Variants in SLC2A13 observed in about 807,000 individuals in gnomAD.
The protein encoded by SLC2A13 is proton myo-inositol cotransporter.
In SLC2A13, 32 loss-of-function variants were observed where a neutral mutation model predicts 64.4. The ratio of observed to expected loss-of-function variants is 0.50; its 90% CI spans 0.37 to 0.67. SLC2A13 has a LOEUF of 0.67. SLC2A13 is among the 30% of genes least tolerant of loss of function. The probability of loss-of-function intolerance (pLI) is 0.00; values close to 1 mark genes in which losing one functional copy is unlikely to be tolerated. For missense variants in SLC2A13, 743 were observed against 829.2 expected, an observed-to-expected ratio of 0.90 and a Z score of 1.28; for synonymous variants, 338 against 327.1, an observed-to-expected ratio of 1.03 and a Z score of -0.36.
At chr12:40,065,844 C>A (rs1937698546) in intron 1 of SLC2A13, among the ~76,000 whole-genome samples, 1 of 152,136 alleles carries the variant, frequency 6.6e-6, no homozygotes, top group Non-Finnish European at 1.5e-5. Flanking sequence ...ATTTCAAAGT[C>A]TCACAAAAGC....
At chr12:39,828,770 G>A (rs1371224336) in intron 7 of SLC2A13, among the ~76,000 whole-genome samples, 1 of 151,584 alleles carries the variant, frequency 6.6e-6, no homozygotes, top group Non-Finnish European at 1.5e-5. Context: ...CTGTGAACAA[G>A]TACATCTAGA....
At chr12:39,928,076 T>C (rs538370217) in intron 4 of SLC2A13, among the ~76,000 whole-genome samples, 30 of 152,334 alleles carry the variant, frequency 2.0e-4, no homozygotes, top group African/African-American at 6.0e-4. Flanking sequence ...GAGTTGTTAC[T>C]TACATTACTT....
intron 1 of SLC2A13, among the ~76,000 whole-genome samples, chr12:40,069,368 G>C (rs893660556): frequency 1.3e-5 from 2 of 151,978 alleles, no homozygotes; most frequent in East Asian, 3.9e-4. Flanking sequence ...GTGGTATTTA[G>C]TAACAAATTT....
At chr12:39,877,173 ATAAAGACACATC>A (rs1944206951) in intron 4 of SLC2A13, among the ~76,000 whole-genome samples, 1 of 152,162 alleles carries the variant, frequency 6.6e-6, no homozygotes. Context: ...TTATGCTGCT[ATAAAGACACATC>A]TAAGACTGGG....
At chr12:39,984,374 G>A (rs2136154868) in intron 3 of SLC2A13, among the ~76,000 whole-genome samples, 1 of 152,092 alleles carries the variant, frequency 6.6e-6, no homozygotes, top group Admixed American at 6.5e-5. Context: ...GCAACGGTAA[G>A]TGCAATCTTC....
At chr12:39,948,941 GA>G (rs1454797506) in intron 4 of SLC2A13, among the ~76,000 whole-genome samples, 1 of 152,050 alleles carries the variant, frequency 6.6e-6, no homozygotes, top group Admixed American at 6.5e-5. Context: ...TTTTAAATCA[GA>G]AACAAAGTTT....
At chr12:39,942,222 A>T (rs1016687994) in intron 4 of SLC2A13, among the ~76,000 whole-genome samples, 1 of 152,008 alleles carries the variant, frequency 6.6e-6, no homozygotes, top group Non-Finnish European at 1.5e-5. Flanking sequence ...GAATTTTAGA[A>T]CTGTTTTTTT....
intron 1 of SLC2A13, among the ~76,000 whole-genome samples, chr12:40,088,585 G>C (rs1213978916): frequency 6.6e-6 from 1 of 152,170 alleles, no homozygotes; most frequent in Non-Finnish European, 1.5e-5. Flanking sequence ...TAGGGGTCTT[G>C]TCTTGGAGCT....
chr12:40,105,685 G>A lies in SLC2A13; in HGVS notation c.124C>T (p.Leu42=), dbSNP rs1015393959. The change falls in exon 1 of 10, where the codon CTG becomes TTG. Residue 42 remains leucine, a synonymous_variant. Transcript: ENST00000280871. The surrounding 1 kb of genome is among the most constrained non-coding windows in gnomAD (Gnocchi z 4.2). The stretch of plus-strand genomic sequence containing the variant: ...CTGGTGCTCGATTCGGCGGCAGCCA[G>A]GAGGCTGCACTCCCCGGCCGCGCTC... The part of the protein sequence containing the change: ...AASAAGECSL[L]AAAESSTSLQ... 6 of 1,491,924 alleles carry A rather than the reference G, an allele frequency of 4.0e-6. 1 individual carries two copies. The South Asian group carries it at 6.4e-5, about 16-fold the overall frequency. The allele number at this position is 1,491,924 out of a possible 1,614,324, so 92.4% of individuals were successfully genotyped here.
intron 2 of SLC2A13, among the ~76,000 whole-genome samples, chr12:40,041,641 T>C (rs1212586566): frequency 1.3e-5 from 2 of 152,220 alleles, no homozygotes; most frequent in Non-Finnish European, 2.9e-5. Flanking sequence ...ATGCAGAAAG[T>C]GTCAAGAAAC....
At chr12:40,080,965 G>A (rs192843948) in intron 1 of SLC2A13, among the ~76,000 whole-genome samples, 2 of 152,272 alleles carry the variant, frequency 1.3e-5, no homozygotes, top group East Asian at 1.9e-4. Flanking sequence ...ATGAAGTTTA[G>A]TTTGGCTGGA....
chr12:39,764,688 A>G (rs1940285173), intron 8 of SLC2A13, 49 bp downstream of exon 8: 2 of 1,593,558 alleles, frequency 1.3e-6, no homozygotes, highest in Non-Finnish European at 8.5e-7. Context: ...ATCTACTCCA[A>G]AAAGAGGCAA....
In SLC2A13 at chr12:39,758,823, T is replaced by A. The variant is rs1940038756; in HGVS notation, c.*1203A>T. 6.7e-6 allele frequency: 1 copy of A among 149,800 alleles called. No homozygotes were observed. Among genetic ancestry groups the A allele is most frequent in the African/African-American group, 2.5e-5 (1 of 40,676 alleles). The allele number at this position is 149,800 out of a possible 1,614,324, so 9.3% of individuals were successfully genotyped here. On this transcript the variant is annotated 3_prime_UTR_variant, in exon 10 of 10. Coordinates refer to ENST00000280871, the MANE Select transcript of SLC2A13 (RefSeq NM_052885.4). ...TTTTTCTGGTAAATTCTCAGGAAAA[T>A]GAGAAAAGTGTGCAAAATAAAAACG...
chr12:39,970,785 T>C (rs754316610), intron 3 of SLC2A13, among the ~76,000 whole-genome samples: 5 of 152,238 alleles, frequency 3.3e-5, no homozygotes, highest in Admixed American at 1.3e-4. Context: ...AGTTGCATTA[T>C]TACATTGGCT....
intron 6 of SLC2A13, among the ~76,000 whole-genome samples, chr12:39,860,880 C>A (rs1289046543): frequency 6.6e-6 from 1 of 152,138 alleles, no homozygotes; most frequent in Admixed American, 6.5e-5. Context: ...GGCACCCACA[C>A]CCACCCAGAG....
rs564792251 is a variant in SLC2A13, at chr12:39,776,833, T to C, written c.1446-11975A>G. ...CTTTTCTGCTTAACATGAAAAGTTA[T>C]AACAAAGTGATGGCTAGGTTCTAAG... On this transcript the variant is annotated intron_variant, in intron 7 of 9. Coordinates refer to ENST00000280871, the MANE Select transcript of SLC2A13 (RefSeq NM_052885.4). Among the ~76,000 whole-genome samples, 3 of 152,352 alleles carry C rather than the reference T, an allele frequency of 2.0e-5. No individual in the cohort carries two copies. In the East Asian group the frequency reaches 5.8e-4, roughly 29 times the overall value.
At chr12:39,896,258 ATATGTGTGTATATATGTATACATGTATG>A (rs1191159569) in intron 4 of SLC2A13, among the ~76,000 whole-genome samples, 214 of 88,762 alleles carry the variant, frequency 2.4e-3, no homozygotes, top group African/African-American at 8.5e-3. Context: ...ACATGTATGT[ATATGTGTGTATATATGTATACATGTATG>A]TATATGTGTG....
intron 2 of SLC2A13, among the ~76,000 whole-genome samples, chr12:40,034,940 G>A (rs1314700588): frequency 6.6e-6 from 1 of 152,104 alleles, no homozygotes; most frequent in Non-Finnish European, 1.5e-5. Flanking sequence ...GCTAATCACT[G>A]AGCATCATGA....
At chr12:39,975,829 G>A (rs759158889) in intron 3 of SLC2A13, among the ~76,000 whole-genome samples, 12 of 151,230 alleles carry the variant, frequency 7.9e-5, no homozygotes, top group Non-Finnish European at 1.8e-4. Flanking sequence ...GGAGCCAACG[G>A]ATACAAATGT....
Sources: allele counts gnomAD v4.1 joint callset (sites outside exome capture counted in the v4.1 genomes callset), GRCh38; gene constraint gnomAD v4.1.1; non-coding constraint Gnocchi (gnomAD v3.1); transcripts MANE v1.5; gene names NCBI Gene and HGNC (gene_info 2026-07-23, HGNC 2026-07-21).